WDPCP: variants seen among roughly 807,000 people sequenced by gnomAD.
WDPCP encodes WD repeat-containing and planar cell polarity effector protein fritz homolog.
Under a neutral mutation model 93.1 loss-of-function variants are expected in WDPCP, and 71 were observed. The observed-to-expected ratio is 0.76, with a 90% confidence interval of 0.63 to 0.93. The LOEUF (loss-of-function observed/expected upper bound fraction) is 0.93, where lower values mean the gene tolerates loss of function less well. WDPCP is among the 40% of genes least tolerant of loss of function. The pLI is 0.00. For synonymous variants in WDPCP, 315 were observed against 315.0 expected, an observed-to-expected ratio of 1.00 and a Z score of 0.00; for missense variants, 844 against 887.4, an observed-to-expected ratio of 0.95 and a Z score of 0.62.
At chr2:63,488,417 T>C (rs2105925171) in intron 2 of WDPCP, among the ~76,000 whole-genome samples, 1 of 152,224 alleles carries the variant, frequency 6.6e-6, no homozygotes, top group Middle Eastern at 3.4e-3. Flanking sequence ...AAATAGTCAA[T>C]TGCGTGTACT....
At chr2:63,770,802 A>G (rs932227549) in intron 2 of WDPCP, among the ~76,000 whole-genome samples, 3 of 151,984 alleles carry the variant, frequency 2.0e-5, no homozygotes, top group Non-Finnish European at 4.4e-5. Flanking sequence ...CAACAGATTG[A>G]CAGCAAAAAT....
At chr2:63,496,497 A>G (rs367601261) in intron 1 of WDPCP, among the ~76,000 whole-genome samples, 177 of 152,318 alleles carry the variant, frequency 1.2e-3, no homozygotes, top group African/African-American at 4.2e-3. Flanking sequence ...AAGCAAAATG[A>G]GATCTGTGAA....
At chr2:63,532,330 G>A (rs1703920382) in intron 1 of WDPCP, among the ~76,000 whole-genome samples, 1 of 152,156 alleles carries the variant, frequency 6.6e-6, no homozygotes, top group South Asian at 2.1e-4. Context: ...AGTGAGGCAG[G>A]CCAACATTCA....
intron 13 of WDPCP, among the ~76,000 whole-genome samples, chr2:63,267,807 T>A (rs1418326227): frequency 6.6e-6 from 1 of 151,916 alleles, no homozygotes; most frequent in African/African-American, 2.4e-5. Flanking sequence ...GCTACTAATG[T>A]CAAAAAAGAA....
intron 1 of WDPCP, among the ~76,000 whole-genome samples, chr2:63,564,010 T>C (rs1451668902): frequency 6.6e-6 from 1 of 152,232 alleles, no homozygotes; most frequent in Non-Finnish European, 1.5e-5. Context: ...TTAGGGTATA[T>C]GAATTATATC....
At chr2:63,538,526 G>T (rs1704481727) in intron 1 of WDPCP, among the ~76,000 whole-genome samples, 1 of 152,066 alleles carries the variant, frequency 6.6e-6, no homozygotes, top group East Asian at 1.9e-4. Flanking sequence ...ATTCATACAA[G>T]CAAGTTTGCC....
intron 13 of WDPCP, among the ~76,000 whole-genome samples, chr2:63,294,643 A>G (rs1237510256): frequency 6.6e-6 from 1 of 152,054 alleles, no homozygotes; most frequent in Non-Finnish European, 1.5e-5. Context: ...AAGGGAGTTC[A>G]TTACCACTAG....
chr2:63,622,917 C>T (rs1488024999), intron 3 of WDPCP: 7 of 1,135,324 alleles, frequency 6.2e-6, no homozygotes, highest in East Asian at 5.1e-5. Context: ...CAGGCCGGGG[C>T]TCGGCGCACA....
chr2:63,238,692 A>C (rs1345182818), intron 14 of WDPCP, among the ~76,000 whole-genome samples: 4 of 152,150 alleles, frequency 2.6e-5, no homozygotes, highest in Non-Finnish European at 5.9e-5. Context: ...CCCTTTTTTA[A>C]TCCTTCTAGT....
chr2:63,492,243 T>C (rs937190145), intron 2 of WDPCP, among the ~76,000 whole-genome samples: 2 of 152,152 alleles, frequency 1.3e-5, no homozygotes, highest in Non-Finnish European at 2.9e-5. Context: ...AGATATTTCT[T>C]ATAAAGTACA....
At chr2:63,620,996 C>A (rs1269254756) in intron 3 of WDPCP, among the ~76,000 whole-genome samples, 2 of 152,130 alleles carry the variant, frequency 1.3e-5, no homozygotes, top group Non-Finnish European at 2.9e-5. Flanking sequence ...GACACCCACA[C>A]CAAAACCCCA....
intron 15 of WDPCP, among the ~76,000 whole-genome samples, chr2:63,159,712 G>A (rs1017333764): frequency 6.6e-5 from 10 of 152,098 alleles, no homozygotes; most frequent in South Asian, 6.2e-4. Context: ...GCTGTTTGTC[G>A]TGCTATTTGG....
intron 6 of WDPCP, among the ~76,000 whole-genome samples, chr2:63,456,839 C>T (rs1698657899): frequency 2.0e-5 from 3 of 152,144 alleles, no homozygotes; most frequent in African/African-American, 7.2e-5. Context: ...TGGCAAAACC[C>T]TGTCTCTACT....
At chr2:63,286,325 A>C (rs2104974723) in intron 13 of WDPCP, among the ~76,000 whole-genome samples, 1 of 152,346 alleles carries the variant, frequency 6.6e-6, no homozygotes, top group South Asian at 2.1e-4. Context: ...AACTGATGAC[A>C]TTCCACCATT....
intron 17 of WDPCP, among the ~76,000 whole-genome samples, chr2:63,130,795 T>C (rs1670239678): frequency 1.3e-5 from 2 of 152,176 alleles, no homozygotes; most frequent in African/African-American, 4.8e-5. Context: ...AAGCAGGTTA[T>C]TGAAGTCTCC....
intron 1 of WDPCP, among the ~76,000 whole-genome samples, chr2:63,548,602 G>A (rs1275643367): frequency 5.9e-5 from 9 of 151,746 alleles, no homozygotes; most frequent in Non-Finnish European, 1.0e-4. Context: ...AAATCAAATG[G>A]ACCGCATCTT....
chr2:63,364,293 A>G (rs1346129237), intron 12 of WDPCP, among the ~76,000 whole-genome samples: 1 of 152,222 alleles, frequency 6.6e-6, no homozygotes, highest in Non-Finnish European at 1.5e-5. Flanking sequence ...AAATGTGACA[A>G]AAATCTCAAC....
intron 15 of WDPCP, among the ~76,000 whole-genome samples, chr2:63,162,582 G>A (rs1672716531): frequency 1.3e-5 from 2 of 152,240 alleles, no homozygotes; most frequent in South Asian, 4.1e-4. Context: ...ATTTGAATGG[G>A]GAGAGGACTG....
intron 2 of WDPCP, among the ~76,000 whole-genome samples, chr2:63,791,305 A>T (rs1240616551): frequency 6.6e-6 from 1 of 152,182 alleles, no homozygotes; most frequent in Non-Finnish European, 1.5e-5. Context: ...TTAGTCCCTA[A>T]CGCTGCCATG....
Sources: allele counts gnomAD v4.1 joint callset (sites outside exome capture counted in the v4.1 genomes callset), GRCh38; gene constraint gnomAD v4.1.1; transcripts MANE v1.5; gene names NCBI Gene and HGNC (gene_info 2026-07-23, HGNC 2026-07-21).